The following DZIP1 variants were observed in gnomAD, a reference collection of about 807,000 sequenced individuals.
DZIP1 encodes the protein DAZ interacting zinc finger protein 1.
DZIP1 carries 97 observed loss-of-function variants against 107.6 expected under a neutral mutation model. The ratio of observed to expected loss-of-function variants is 0.90; its 90% CI spans 0.77 to 1.07. DZIP1 has a LOEUF of 1.07. Ranked by LOEUF, DZIP1 falls within the 50% of genes least tolerant of loss-of-function variation. The pLI is 0.00. For synonymous variants in DZIP1, 390 were observed against 386.4 expected, an observed-to-expected ratio of 1.01 and a Z score of -0.11; for missense variants, 1,035 against 1,063.6, an observed-to-expected ratio of 0.97 and a Z score of 0.37.
At chr13:95,587,089 C>T (rs2044179163) in intron 20 of DZIP1, among the ~76,000 whole-genome samples, 1 of 152,128 alleles carries the variant, frequency 6.6e-6, no homozygotes, top group Non-Finnish European at 1.5e-5. Context: ...GGCCCTAATC[C>T]AATGTCCTTA....
intron 14 of DZIP1, among the ~76,000 whole-genome samples, chr13:95,602,015 C>T (rs112459340): frequency 1.1e-4 from 16 of 152,066 alleles, no homozygotes; most frequent in East Asian, 1.9e-4. Context: ...GCTTTGGAGA[C>T]GCTCTGGTCA....
At chr13:95,630,699 T>G (rs1877090983) in intron 6 of DZIP1, 1 of 1,237,676 alleles carries the variant, frequency 8.1e-7, no homozygotes, top group African/African-American at 1.6e-5. Flanking sequence ...AGAATACTTA[T>G]GTACATGTAC....
At chr13:95,627,520 A>G (rs1876687506) in intron 7 of DZIP1, among the ~76,000 whole-genome samples, 1 of 152,266 alleles carries the variant, frequency 6.6e-6, no homozygotes, top group South Asian at 2.1e-4. Context: ...CAAATGGAAA[A>G]TAAACATGAA....
chr13:95,636,435 C>T lies in DZIP1; in HGVS notation c.598-3114G>A, dbSNP rs376032483. ...GCACATGCCTGTGATCCCAGCTACT[C>T]GGGAGGCTGAGGCCGGAGAATCGCT... On this transcript the variant is annotated intron_variant, in intron 5 of 22. Coordinates refer to ENST00000376829, the MANE Select transcript of DZIP1 (RefSeq NM_198968.4). Among the ~76,000 whole-genome samples the T allele has an allele frequency of 3.4e-4, 51 of 149,986 alleles. No individual in the cohort carries two copies. In the South Asian group the frequency reaches 8.9e-3, roughly 26 times the overall value.
chr13:95,641,554 A>G lies in DZIP1; in HGVS notation c.338T>C (p.Val113Ala), dbSNP rs1223899788. The G allele has an allele frequency of 1.2e-6, 2 of 1,613,576 alleles. No homozygotes were observed. The highest frequency in any genetic ancestry group is 1.7e-6 in the Non-Finnish European group (2 of 1,180,000). Residue 113 changes from valine (V) to alanine (A), a missense_variant, in exon 5 of 23, where the codon GTG (valine) becomes GCG (alanine). Transcript: ENST00000376829. This position sits in a 1 kb window ranked among gnomAD's most constrained non-coding sequence, Gnocchi z 4.3. ...DEKCPHCQSG[V>A]DPVLLKLIRL... ...GATGAGCTTCAGCAGCACCGGGTCC[A>G]CCCCCGACTGGCAGTGTGGGCACTT...
chr13:95,603,381 A>C (rs1394159771), intron 14 of DZIP1, among the ~76,000 whole-genome samples: 1 of 151,500 alleles, frequency 6.6e-6, no homozygotes, highest in Non-Finnish European at 1.5e-5. Context: ...ATACAATTAA[A>C]GTCATGCATA....
At chr13:95,608,150 T>A (rs945795244) in intron 13 of DZIP1, among the ~76,000 whole-genome samples, 2 of 152,180 alleles carry the variant, frequency 1.3e-5, no homozygotes, top group Admixed American at 6.5e-5. Flanking sequence ...CCTATGGGGC[T>A]ATGGGCCTAT....
intron 18 of DZIP1, 113 bp downstream of exon 18, chr13:95,589,690 A>C: frequency 1.4e-6 from 2 of 1,413,302 alleles, no homozygotes; most frequent in South Asian, 1.4e-5. Flanking sequence ...TTCAGCCTCC[A>C]AAATGGGGAG....
Position 95,586,052 on chromosome 13 carries a change from T to G in DZIP1, c.2303A>C (p.Asn768Thr), listed in dbSNP as rs2044150675. 6.2e-7 allele frequency: 1 copy of G among 1,610,038 alleles called. No individual in the cohort carries two copies. Among genetic ancestry groups the G allele is most frequent in the Non-Finnish European group, 8.5e-7 (1 of 1,178,822 alleles). ...TTTTTTGATAAACATCTCAGGGACA[T>G]TAGTTCCACCGACTGGTTTGTTCAC... ...KNVNKPVGGT[N>T]VPEMFIKKEE... The change falls in exon 21 of 23, where the codon AAT becomes ACT. Residue 768 changes from asparagine (N) to threonine (T), a missense_variant. Asn to Thr is a moderately conservative substitution (Grantham distance 65). Transcript: ENST00000376829.
At chr13:95,603,306 CAAAAAAAAAAA>C (rs34995131) in intron 14 of DZIP1, among the ~76,000 whole-genome samples, 34 of 47,962 alleles carry the variant, frequency 7.1e-4, no homozygotes, top group South Asian at 1.5e-3. Context: ...TGCCCAGTCT[CAAAAAAAAAAA>C]AAAAAAAAAA....
At chr13:95,611,615 G>T in intron 11 of DZIP1, 122 bp from the exon 12 acceptor site, 1 of 794,092 alleles carries the variant, frequency 1.3e-6, no homozygotes. Flanking sequence ...CAGGGACATA[G>T]GGCATGTGGT....
chr13:95,599,947 G>A (rs965974677), intron 14 of DZIP1, among the ~76,000 whole-genome samples: 5 of 152,266 alleles, frequency 3.3e-5, no homozygotes, highest in South Asian at 2.1e-4. Flanking sequence ...GCCATTCTTC[G>A]ACACCTGCAT....
chr13:95,626,112 A>G (rs1594722695), intron 7 of DZIP1, among the ~76,000 whole-genome samples: 1 of 152,198 alleles, frequency 6.6e-6, no homozygotes, highest in East Asian at 1.9e-4. Flanking sequence ...AGCCTGGGCA[A>G]CAGAGAGAGA....
intron 10 of DZIP1, among the ~76,000 whole-genome samples, chr13:95,614,125 CAAA>C (rs11327779): frequency 1.6e-4 from 12 of 73,418 alleles, no homozygotes; most frequent in Non-Finnish European, 1.4e-4. Context: ...GACCCTGTCT[CAAA>C]AAAAAAAAAA....
At chr13:95,582,659 G>C (rs1344766686) in intron 22 of DZIP1, among the ~76,000 whole-genome samples, 4 of 152,188 alleles carry the variant, frequency 2.6e-5, no homozygotes, top group African/African-American at 9.6e-5. Flanking sequence ...TGTAGTTACT[G>C]ACTCTGAGTG....
chr13:95,634,456 G>A (rs542107008), intron 5 of DZIP1, among the ~76,000 whole-genome samples: 16 of 152,320 alleles, frequency 1.1e-4, no homozygotes, highest in African/African-American at 3.1e-4. Context: ...TGAGGGCAGG[G>A]CCTCTAGCTT....
Position 95,582,180 on chromosome 13 carries a change from C to T in DZIP1, c.*54G>A. 2 of 1,557,894 alleles carry T rather than the reference C, an allele frequency of 1.3e-6. No individual in the cohort carries two copies. The highest frequency in any genetic ancestry group is 8.9e-7 in the Non-Finnish European group (1 of 1,129,436). On this transcript the variant is annotated 3_prime_UTR_variant, in exon 23 of 23. Coordinates refer to ENST00000376829, the MANE Select transcript of DZIP1 (RefSeq NM_198968.4). ...GAATCATGGAGGCAAATTACTGAAA[C>T]ACTGTGATACTGAAATACTGCTGGC...
At chr13:95,589,302 A>G (rs2044247485) in intron 18 of DZIP1, 95 bp from the exon 19 acceptor site, 12 of 969,632 alleles carry the variant, frequency 1.2e-5, no homozygotes, top group South Asian at 1.6e-5. Flanking sequence ...TGCTTTTGAC[A>G]TACACTAACG....
rs753985888 is a variant in DZIP1, at chr13:95,586,129, G to T, written c.2226C>A (p.Ala742=). 6.2e-7 allele frequency: 1 copy of T among 1,607,136 alleles called. No individual in the cohort carries two copies. Among genetic ancestry groups the T allele is most frequent in the Non-Finnish European group, 8.5e-7 (1 of 1,177,864 alleles). The change falls in exon 21 of 23, where the codon GCC becomes GCA. Residue 742 remains alanine, a synonymous_variant. Transcript: ENST00000376829. The part of the protein sequence containing the change: ...TDDSPKPAGV[A]VKTPTEKVEK... ...CAACTTTTTCAGTAGGTGTTTTAAC[G>T]GCGACTCCTATAAGATCAATAAAAA...
Sources: allele counts gnomAD v4.1 joint callset (sites outside exome capture counted in the v4.1 genomes callset), GRCh38; gene constraint gnomAD v4.1.1; non-coding constraint Gnocchi (gnomAD v3.1); transcripts MANE v1.5; gene names NCBI Gene and HGNC (gene_info 2026-07-23, HGNC 2026-07-21).